Variants in YIPF6 observed in about 807,000 individuals in gnomAD.
YIPF6 encodes the protein protein YIPF6.
In YIPF6, 3 loss-of-function variants were observed where a neutral mutation model predicts 16.8. The observed-to-expected ratio is 0.18, with a 90% CI of 0.08 to 0.46. The LOEUF is 0.46. Ranked by LOEUF, YIPF6 falls within the 20% of genes least tolerant of loss-of-function variation. The pLI is 0.98. For synonymous variants in YIPF6, 67 were observed against 61.9 expected, an observed-to-expected ratio of 1.08 and a Z score of -0.38; for missense variants, 145 against 184.9, an observed-to-expected ratio of 0.78 and a Z score of 1.25.
chrX:68,528,156 C>A (rs910915406), intron 6 of YIPF6, among the ~76,000 whole-genome samples: 1 of 111,326 alleles, frequency 9.0e-6, no homozygotes, highest in Non-Finnish European at 1.9e-5. Context: ...TTTTATGAAC[C>A]TGGGTGCTCC....
chrX:68,517,171 G>A (rs1173523030), intron 3 of YIPF6, among the ~76,000 whole-genome samples: 4 of 107,639 alleles, frequency 3.7e-5, no homozygotes, highest in African/African-American at 1.0e-4. Context: ...TTTTTGAGAC[G>A]GAGTCTTGCA....
intron 6 of YIPF6, 74 bp downstream of exon 6, chrX:68,522,991 C>A: frequency 8.9e-7 from 1 of 1,125,107 alleles, no homozygotes; most frequent in South Asian, 1.9e-5. Context: ...AGATGAGGAG[C>A]AGTATAAGTC....
At chrX:68,505,095 G>A (rs2079054686) in intron 1 of YIPF6, among the ~76,000 whole-genome samples, 1 of 111,763 alleles carries the variant, frequency 8.9e-6, no homozygotes, top group Non-Finnish European at 1.9e-5. Context: ...ATAGTAGTGA[G>A]GAGAAAATAT....
rs971959730 is a variant in YIPF6, at chrX:68,534,905, C to T, written c.*2906C>T. ...AGCATCACTGCAGAATGTGGTGCAT[C>T]ATTGCCATCATGAGTAATCACTTGC... On this transcript the variant is annotated 3_prime_UTR_variant, in exon 7 of 7. Coordinates refer to ENST00000462683, the MANE Select transcript of YIPF6 (RefSeq NM_173834.4). 4 of 112,243 alleles carry T rather than the reference C, an allele frequency of 3.6e-5. No homozygotes were observed. The highest frequency in any genetic ancestry group is 1.3e-4 in the African/African-American group (4 of 30,886). The allele number at this position is 112,243 out of a possible 1,213,427, so 9.3% of individuals were successfully genotyped here.
intron 6 of YIPF6, among the ~76,000 whole-genome samples, chrX:68,530,379 C>T (rs2147827789): frequency 9.0e-6 from 1 of 111,433 alleles, no homozygotes; most frequent in Non-Finnish European, 1.9e-5. Flanking sequence ...AATTTCAAGC[C>T]AGTGGATCTT....
intron 1 of YIPF6, among the ~76,000 whole-genome samples, chrX:68,500,064 A>T (rs761496181): frequency 8.9e-6 from 1 of 112,470 alleles, no homozygotes; most frequent in Admixed American, 9.4e-5. Flanking sequence ...GATGGAATCC[A>T]CCCACTTTGT....
chrX:68,504,601 G>A (rs1216599257), intron 1 of YIPF6, among the ~76,000 whole-genome samples: 3 of 112,025 alleles, frequency 2.7e-5, no homozygotes, highest in Non-Finnish European at 3.8e-5. Flanking sequence ...AGGGGACAAA[G>A]GCCAGCTAAA....
chrX:68,528,465 C>A (rs1278757213), intron 6 of YIPF6, among the ~76,000 whole-genome samples: 1 of 111,653 alleles, frequency 9.0e-6, no homozygotes, highest in Non-Finnish European at 1.9e-5. Context: ...TTAATTGGGG[C>A]ATTTAGCCCA....
At chrX:68,520,314 A>G (rs1438712265) in intron 4 of YIPF6, among the ~76,000 whole-genome samples, 2 of 112,549 alleles carry the variant, frequency 1.8e-5, no homozygotes, top group Non-Finnish European at 3.7e-5. Flanking sequence ...CAAATATTCA[A>G]AACAGTTTAT....
intron 1 of YIPF6, 152 bp downstream of exon 1, chrX:68,499,275 A>G (rs1018473271): frequency 1.4e-6 from 1 of 715,462 alleles, no homozygotes; most frequent in African/African-American, 2.3e-5. Flanking sequence ...CCAACACTGC[A>G]CCTGTTCTTT....
chrX:68,528,977 A>G (rs1344737831), intron 6 of YIPF6, among the ~76,000 whole-genome samples: 7 of 111,005 alleles, frequency 6.3e-5, no homozygotes, highest in Non-Finnish European at 1.3e-4. Context: ...TTCTCAAGGA[A>G]TATCTTTGTG....
At chrX:68,520,319 G>C (rs779676656) in intron 4 of YIPF6, among the ~76,000 whole-genome samples, 19 of 112,299 alleles carry the variant, frequency 1.7e-4, no homozygotes, top group Non-Finnish European at 3.0e-4. Flanking sequence ...ATTCAAAACA[G>C]TTTATATCTG....
At chrX:68,510,148 A>T (rs771801159) in intron 1 of YIPF6, among the ~76,000 whole-genome samples, 1 of 111,591 alleles carries the variant, frequency 9.0e-6, no homozygotes, top group Non-Finnish European at 1.9e-5. Context: ...ATGATTCAGT[A>T]AAGTATCTAG....
chrX:68,509,751 T>C (rs1354729691), intron 1 of YIPF6, among the ~76,000 whole-genome samples: 1 of 111,176 alleles, frequency 9.0e-6, no homozygotes, highest in Non-Finnish European at 1.9e-5. Context: ...AGCTTTTCCT[T>C]TTCCCTTTCT....
At chrX:68,501,675 G>A (rs2079041708) in intron 1 of YIPF6, among the ~76,000 whole-genome samples, 1 of 111,798 alleles carries the variant, frequency 8.9e-6, no homozygotes, top group African/African-American at 3.3e-5. Context: ...ATATCCATTT[G>A]TGCTACACAG....
Position 68,537,043 on chromosome X carries a change from G to C in YIPF6, c.*5044G>C, listed in dbSNP as rs953632984. On this transcript the variant is annotated 3_prime_UTR_variant, in exon 7 of 7. Transcript: ENST00000462683. ...GGGAGGAAAAAGTAACAGAGTAAAG[G>C]CTTTGCCTTAATGAAGTCAAGTGTT... 7.1e-5 allele frequency: 8 copies of C among 111,897 alleles called. No homozygotes were observed. Among genetic ancestry groups the C allele is most frequent in the Non-Finnish European group, 1.5e-4 (8 of 53,211 alleles). 9.2% of individuals were successfully genotyped at this position (111,897 alleles called of 1,213,427 possible). A position where few individuals can be genotyped will look rare whatever the true frequency, so the allele number is the denominator to read the frequency against.
At chrX:68,506,731 A>T (rs1310740901) in intron 1 of YIPF6, among the ~76,000 whole-genome samples, 4 of 110,008 alleles carry the variant, frequency 3.6e-5, no homozygotes, top group Admixed American at 9.8e-5. Flanking sequence ...TAAATAAGAA[A>T]TTTTTTTTTG....
intron 3 of YIPF6, among the ~76,000 whole-genome samples, chrX:68,515,726 T>C (rs2079100023): frequency 9.1e-6 from 1 of 110,400 alleles, no homozygotes; most frequent in Admixed American, 9.7e-5. Context: ...TGGAATGCAG[T>C]GGTGTGATTA....
rs185413572 is a variant in YIPF6, at chrX:68,516,694, A to G, written c.266-2076A>G. ...GTACCTCTCTTGGGTAAGGTTATATACATGTGAGGTTAAAGTTCGATGTGG... is the reference window on the plus strand; with the variant it reads ...GTACCTCTCTTGGGTAAGGTTATATGCATGTGAGGTTAAAGTTCGATGTGG... On this transcript the variant is annotated intron_variant, in intron 3 of 6. Transcript: ENST00000462683. 4.0e-4 allele frequency among the ~76,000 whole-genome samples: 45 copies of G among 112,299 alleles called. No individual in the cohort carries two copies. In the East Asian group the frequency reaches 0.012, roughly 29 times the overall value.
Sources: gnomAD v4.1 joint callset for allele counts (sites outside exome capture counted in the v4.1 genomes callset) on GRCh38, gnomAD v4.1.1 for gene constraint, MANE v1.5 for transcripts, NCBI Gene and HGNC (gene_info 2026-07-23, HGNC 2026-07-21) for gene names.